The following HHIP variants were observed in gnomAD, a reference collection of about 807,000 sequenced individuals.
HHIP encodes the protein hedgehog-interacting protein.
In HHIP, 12 loss-of-function variants were observed where a neutral mutation model predicts 74.0. That is an observed-to-expected ratio of 0.16 (90% CI 0.10 to 0.26). The LOEUF (loss-of-function observed/expected upper bound fraction) is 0.26, where lower values mean the gene tolerates loss of function less well. HHIP is among the 10% of genes least tolerant of loss of function. The probability of loss-of-function intolerance (pLI) is 1.00; values close to 1 mark genes in which losing one functional copy is unlikely to be tolerated. For synonymous variants in HHIP, 309 were observed against 311.6 expected (o/e 0.99, Z 0.09); for missense variants, 788 against 845.0 (o/e 0.93, Z 0.84).
At chr4:144,713,587 A>G (rs1006139182) in intron 8 of HHIP, among the ~76,000 whole-genome samples, 2 of 152,168 alleles carry the variant, frequency 1.3e-5, no homozygotes, top group African/African-American at 4.8e-5. Flanking sequence ...TGGCCTGCAC[A>G]GAAAGATAGA....
chr4:144,710,801 C>A (rs1477248855), intron 7 of HHIP, among the ~76,000 whole-genome samples: 1 of 152,036 alleles, frequency 6.6e-6, no homozygotes, highest in African/African-American at 2.4e-5. Flanking sequence ...CACAGCCTCC[C>A]CAGACAAAAA....
Position 144,691,481 on chromosome 4 carries a change from T to C in HHIP, c.832-15050T>C, listed in dbSNP as rs1729663731. 2.0e-5 allele frequency among the ~76,000 whole-genome samples: 3 copies of C among 152,240 alleles called. No individual in the cohort carries two copies. In the South Asian group the frequency reaches 6.2e-4, roughly 31 times the overall value. On this transcript the variant is annotated intron_variant, in intron 4 of 12. Coordinates refer to ENST00000296575, the MANE Select transcript of HHIP (RefSeq NM_022475.3). ...TTGTGTCCATAATTAGGCTGATGGA[T>C]TGCTGCTTCAGGAGTTTTGCTTTTT...
Position 144,743,573 on chromosome 4 carries a change from G to A in HHIP, c.*5616G>A, listed in dbSNP as rs973289118. 2.2e-4 allele frequency: 34 copies of A among 151,128 alleles called. No homozygotes were observed. The highest frequency in any genetic ancestry group is 7.8e-4 in the African/African-American group (32 of 41,148). 9.4% of individuals were successfully genotyped at this position (151,128 alleles called of 1,614,324 possible). On this transcript the variant is annotated 3_prime_UTR_variant, in exon 13 of 13. Transcript: ENST00000296575. ...TCATCTTTCATTTAGGATTTCTTGG[G>A]GTTTTCTTTTTGCATATATAGATTA...
rs144053849 is a variant in HHIP, at chr4:144,659,726, A to G, written c.719A>G (p.Gln240Arg). ...VGALHSGDGS[Q>R]RLFILEKEGY... ...GCCCTGCATAGTGGGGATGGCTCGC[A>G]ACGTCTCTTCATTCTGGAAAAAGAA... Residue 240 changes from glutamine (Q) to arginine (R), a missense_variant, in exon 4 of 13, where the codon CAA becomes CGA. Physicochemically the swap from Gln to Arg is conservative, Grantham distance 43. This residue lies in a region of HHIP where 373 missense variants were observed against 366.4 expected (regional missense o/e 1.02). Transcript: ENST00000296575. 3.1e-6 allele frequency: 5 copies of G among 1,610,780 alleles called. No homozygotes were observed. Among genetic ancestry groups the G allele is most frequent in the Admixed American group, 3.4e-5 (2 of 59,392 alleles).
At chr4:144,666,975 T>C (rs1472307444) in intron 4 of HHIP, among the ~76,000 whole-genome samples, 1 of 152,094 alleles carries the variant, frequency 6.6e-6, no homozygotes, top group African/African-American at 2.4e-5. Context: ...CATACTAACA[T>C]AAAAAGGAGG....
At chr4:144,695,853 G>A (rs1424690635) in intron 4 of HHIP, among the ~76,000 whole-genome samples, 1 of 151,844 alleles carries the variant, frequency 6.6e-6, no homozygotes, top group Admixed American at 6.6e-5. Flanking sequence ...AGTATGTGGT[G>A]AGCCTGGTGC....
chr4:144,715,439 C>T lies in HHIP; in HGVS notation c.1678+9C>T, dbSNP rs988869896. 1.2e-6 allele frequency: 2 copies of T among 1,606,844 alleles called. No homozygotes were observed. The highest frequency in any genetic ancestry group is 1.3e-5 in the African/African-American group (1 of 74,816). ...TGGAGAAGATGAACTAGGTACTGTA[C>T]AATCTAGTTCTGTTAAGTTTCATTC... On this transcript the variant is annotated intron_variant, in intron 10 of 12. Transcript: ENST00000296575.
chr4:144,695,965 G>T (rs1420112223), intron 4 of HHIP, among the ~76,000 whole-genome samples: 1 of 151,798 alleles, frequency 6.6e-6, no homozygotes, highest in Non-Finnish European at 1.5e-5. Flanking sequence ...TACATAACGT[G>T]CACGCATTCC....
chr4:144,707,014 T>C, intron 5 of HHIP, 73 bp from the exon 6 acceptor site: 1 of 1,271,194 alleles, frequency 7.9e-7, no homozygotes, highest in Non-Finnish European at 1.1e-6. Context: ...TTCATTTATA[T>C]ACTATTCACT....
Position 144,741,804 on chromosome 4 carries a change from C to T in HHIP, c.*3847C>T, listed in dbSNP as rs987220031. The T allele has an allele frequency of 1.3e-5, 2 of 152,076 alleles. No individual in the cohort carries two copies. The highest frequency in any genetic ancestry group is 2.9e-5 in the Non-Finnish European group (2 of 68,018). 9.4% of individuals were successfully genotyped at this position (152,076 alleles called of 1,614,324 possible). On this transcript the variant is annotated 3_prime_UTR_variant, in exon 13 of 13. Transcript: ENST00000296575. ...TACATTAATTTAAACTTTTATTAGT[C>T]TAACTTTCTGTTAAGTCTCTTAGCT...
intron 4 of HHIP, among the ~76,000 whole-genome samples, chr4:144,684,215 T>C (rs900807108): frequency 1.6e-4 from 13 of 78,910 alleles, no homozygotes; most frequent in Admixed American, 4.1e-4. Flanking sequence ...CTATGAAAAA[T>C]ACAAAAAAAA....
intron 10 of HHIP, among the ~76,000 whole-genome samples, chr4:144,718,624 G>A (rs569786174): frequency 6.6e-6 from 1 of 152,256 alleles, no homozygotes; most frequent in South Asian, 2.1e-4. Flanking sequence ...GACAGCTGTT[G>A]CCATAATCTA....
At chr4:144,659,123 A>G (rs1227532691) in intron 3 of HHIP, among the ~76,000 whole-genome samples, 177 bp downstream of exon 3, 1 of 152,222 alleles carries the variant, frequency 6.6e-6, no homozygotes, top group Non-Finnish European at 1.5e-5. Flanking sequence ...TGCTTTTAAT[A>G]CTTAGACTAC....
At chr4:144,660,065 T>G in intron 4 of HHIP, 1 of 553,790 alleles carries the variant, frequency 1.8e-6, no homozygotes, top group South Asian at 2.7e-5. Flanking sequence ...ATATTTGACA[T>G]GCTTTCCCCA....
intron 12 of HHIP, among the ~76,000 whole-genome samples, chr4:144,736,522 A>G (rs1239318024): frequency 6.6e-6 from 1 of 152,152 alleles, no homozygotes; most frequent in African/African-American, 2.4e-5. Context: ...CTCTTATGTT[A>G]TCTGAAGCCT....
chr4:144,711,730 A>G (rs1730312163), intron 7 of HHIP, among the ~76,000 whole-genome samples: 1 of 152,244 alleles, frequency 6.6e-6, no homozygotes, highest in African/African-American at 2.4e-5. Flanking sequence ...GAAATTATAA[A>G]TCATAAGAGA....
chr4:144,713,890 GT>G (rs375406662), intron 8 of HHIP, among the ~76,000 whole-genome samples: 1,720 of 148,054 alleles, frequency 0.012, 24 homozygotes, highest in African/African-American at 0.036. Flanking sequence ...AGCCTTAAAT[GT>G]TTTTTTTTTA....
At chr4:144,677,148 AG>A (rs1347507303) in intron 4 of HHIP, among the ~76,000 whole-genome samples, 1 of 152,178 alleles carries the variant, frequency 6.6e-6, no homozygotes, top group Non-Finnish European at 1.5e-5. Context: ...ATGTTACCTT[AG>A]CTACTGTGAC....
chr4:144,664,925 T>C (rs919968956), intron 4 of HHIP, among the ~76,000 whole-genome samples: 1 of 152,224 alleles, frequency 6.6e-6, no homozygotes. Flanking sequence ...AATAAACTCA[T>C]TAAAAAGTGG....
Sources: allele counts gnomAD v4.1 joint callset (sites outside exome capture counted in the v4.1 genomes callset), GRCh38; gene constraint gnomAD v4.1.1; regional missense constraint gnomAD v4.1.1; transcripts MANE v1.5; gene names NCBI Gene and HGNC (gene_info 2026-07-23, HGNC 2026-07-21).